The following SULT6B1 variants were observed in gnomAD, a reference collection of about 807,000 sequenced individuals.
SULT6B1 encodes the protein sulfotransferase family 6B member 1.
In SULT6B1, 44 loss-of-function variants were observed where a neutral mutation model predicts 37.2. That is an observed-to-expected ratio of 1.18 (90% CI 0.93 to 1.52). The LOEUF is 1.52. Ranked by LOEUF, SULT6B1 falls within the 40% of genes most tolerant of loss-of-function variation. SULT6B1 has a pLI of 0.00. For missense variants in SULT6B1, 450 were observed against 361.0 expected, an observed-to-expected ratio of 1.25 and a Z score of -2.00; for synonymous variants, 140 against 126.0, an observed-to-expected ratio of 1.11 and a Z score of -0.74.
At chr2:37,170,756 A>C (rs543164988) in intron 6 of SULT6B1, among the ~76,000 whole-genome samples, 1 of 151,482 alleles carries the variant, frequency 6.6e-6, no homozygotes, top group Non-Finnish European at 1.5e-5. Flanking sequence ...AAAAAAAAAA[A>C]AAAACTCACT....
upstream of SULT6B1, among the ~76,000 whole-genome samples, chr2:37,193,648 G>T (rs531207046): frequency 3.1e-4 from 44 of 143,824 alleles, no homozygotes; most frequent in East Asian, 7.6e-3. Context: ...AGAAGAAGAA[G>T]AAGGAGAAGA....
At chr2:37,171,340 C>T in intron 6 of SULT6B1, 94 bp downstream of exon 6, 4 of 1,451,832 alleles carry the variant, frequency 2.8e-6, no homozygotes, top group South Asian at 1.4e-5. Flanking sequence ...AAAATAAAAC[C>T]CTATCTGACT....
At chr2:37,172,262 CT>C (rs1319722461) in intron 5 of SULT6B1, among the ~76,000 whole-genome samples, 14 of 151,910 alleles carry the variant, frequency 9.2e-5, no homozygotes, top group Non-Finnish European at 1.5e-5. Flanking sequence ...GTTGCCCAGG[CT>C]GCTCTCAGAG....
At chr2:37,171,676 T>C (rs1226296998) in intron 5 of SULT6B1, 86 bp from the exon 6 acceptor site, 19 of 1,335,016 alleles carry the variant, frequency 1.4e-5, no homozygotes, top group African/African-American at 2.9e-5. Context: ...ATCAGAGTTA[T>C]TCAGCCTAAC....
intron 1 of SULT6B1, among the ~76,000 whole-genome samples, chr2:37,194,914 TTCCTTCCTTCCTTCCTTCC>T (rs1676873997): frequency 2.8e-5 from 1 of 35,482 alleles, no homozygotes; most frequent in Non-Finnish European, 4.5e-5. Context: ...CCTTCCTTCC[TTCCTTCCTTCCTTCCTTCC>T]TTCCTTCCTT....
At chr2:37,195,893 C>T (rs1572472761) in intron 1 of SULT6B1, 1 of 152,300 alleles carries the variant, frequency 6.6e-6, no homozygotes. Flanking sequence ...GCGATCTCAG[C>T]TCACTGCAAC....
chr2:37,172,068 G>A (rs1286937167), intron 5 of SULT6B1, among the ~76,000 whole-genome samples: 3 of 137,976 alleles, frequency 2.2e-5, no homozygotes, highest in Non-Finnish European at 4.6e-5. Context: ...TTTTTTTTTA[G>A]ACAGGGTCTT....
chr2:37,180,914 G>A (rs1676536130), intron 3 of SULT6B1, among the ~76,000 whole-genome samples: 2 of 152,156 alleles, frequency 1.3e-5, no homozygotes, highest in Middle Eastern at 3.4e-3. Context: ...AACTGACTGG[G>A]TATAAATAGT....
intron 4 of SULT6B1, among the ~76,000 whole-genome samples, chr2:37,175,840 T>C (rs1676412813): frequency 1.3e-5 from 2 of 152,244 alleles, no homozygotes; most frequent in Admixed American, 1.3e-4. Flanking sequence ...TAAATTTTTA[T>C]TGAAAATACT....
chr2:37,191,911 C>A (rs1448372517), upstream of SULT6B1, among the ~76,000 whole-genome samples: 1 of 152,214 alleles, frequency 6.6e-6, no homozygotes, highest in Non-Finnish European at 1.5e-5. Flanking sequence ...GGGTTGCTGG[C>A]ATCCCTGTTT....
At position 37,171,516 on chromosome 2, in the gene SULT6B1, G is replaced by T; in HGVS notation, c.699C>A (p.Ile233=). The T allele has an allele frequency of 6.2e-7, 1 of 1,614,168 alleles. No homozygotes were observed. Among genetic ancestry groups the T allele is most frequent in the Non-Finnish European group, 8.5e-7 (1 of 1,180,022 alleles). The part of the protein sequence containing the change: ...FFLTGEQIQT[I]SVQSTFQAMR... ...TGGCTTGGAAGGTGCTCTGGACTGA[G>T]ATAGTTTGAATTTGCTCCCCAGTTA... is the stretch of plus-strand genomic sequence containing the variant. Residue 233 remains isoleucine, a synonymous_variant, in exon 6 of 7, where the codon ATC becomes ATA. Transcript: ENST00000535679.
chr2:37,187,299 C>A, intron 2 of SULT6B1, 56 bp downstream of exon 2: 1 of 1,201,602 alleles, frequency 8.3e-7, no homozygotes, highest in South Asian at 1.3e-5. Context: ...ATCTCCAAAC[C>A]GGAAGAAATC....
At chr2:37,192,362 G>T (rs150299629), upstream of SULT6B1, among the ~76,000 whole-genome samples, 4 of 152,320 alleles carry the variant, frequency 2.6e-5, no homozygotes, top group East Asian at 3.9e-4. Context: ...AGAGGGGAAA[G>T]AACTGACCAG....
intron 3 of SULT6B1, among the ~76,000 whole-genome samples, chr2:37,180,421 A>G (rs1172312798): frequency 6.6e-6 from 1 of 152,252 alleles, no homozygotes; most frequent in Non-Finnish European, 1.5e-5. Flanking sequence ...GGGGCCACAT[A>G]AAAGAGGAAA....
In SULT6B1 at chr2:37,175,132, C is replaced by A; in HGVS notation, c.624G>T (p.Glu208Asp). ...VKFILYEDLK[E>D]NLAAGIKQIA... Reference sequence around the variant, plus strand: ...TCTAAAATATCAATAATAATCTCACCTCTTTCAGGTCTTCATATAATATGA... The same window carrying A: ...TCTAAAATATCAATAATAATCTCACATCTTTCAGGTCTTCATATAATATGA... The change falls in exon 5 of 7, where the codon GAG becomes GAT. Residue 208 changes from glutamate to aspartate, a missense_variant and splice_region_variant. Coordinates refer to ENST00000535679, the MANE Select transcript of SULT6B1 (RefSeq NM_001367551.1). 3 of 1,529,126 alleles carry A rather than the reference C, an allele frequency of 2.0e-6. No individual in the cohort carries two copies. Among genetic ancestry groups the A allele is most frequent in the South Asian group, 2.6e-5 (2 of 77,676 alleles). The allele number at this position is 1,529,126 out of a possible 1,614,324, so 94.7% of individuals were successfully genotyped here. A position where few individuals can be genotyped will look rare whatever the true frequency, so the allele number is the denominator to read the frequency against.
chr2:37,178,971 T>C (rs1225811071), intron 4 of SULT6B1, among the ~76,000 whole-genome samples: 1 of 152,028 alleles, frequency 6.6e-6, no homozygotes, highest in Non-Finnish European at 1.5e-5. Flanking sequence ...GTTTGTTTGT[T>C]TGTTTTTTTG....
intron 3 of SULT6B1, 88 bp from the exon 4 acceptor site, chr2:37,179,672 T>C: frequency 8.8e-7 from 1 of 1,142,540 alleles, no homozygotes; most frequent in South Asian, 1.4e-5. Context: ...TCATGTCCAC[T>C]CGTATATTAC....
chr2:37,171,967 C>T (rs968509642), intron 5 of SULT6B1, among the ~76,000 whole-genome samples: 20 of 151,958 alleles, frequency 1.3e-4, no homozygotes, highest in African/African-American at 4.8e-4. Context: ...CATTTGAATT[C>T]TCTTTTTTTC....
Position 37,171,484 on chromosome 2 carries a change from G to C in SULT6B1, c.731C>G (p.Ala244Gly). Residue 244 changes from alanine (A) to glycine (G), a missense_variant, in exon 6 of 7, where the codon GCG becomes GGG. Transcript: ENST00000535679. ...AGCACCGTGTGTGTCCTGAGACTTC[G>C]CACGCATGGCTTGGAAGGTGCTCTG... ...SVQSTFQAMR[A>G]KSQDTHGAVG... The C allele has an allele frequency of 1.9e-6, 3 of 1,614,110 alleles. No individual in the cohort carries two copies. Among genetic ancestry groups the C allele is most frequent in the Non-Finnish European group, 2.5e-6 (3 of 1,179,998 alleles).
Sources: allele counts gnomAD v4.1 joint callset (sites outside exome capture counted in the v4.1 genomes callset), GRCh38; gene constraint gnomAD v4.1.1; transcripts MANE v1.5; gene names NCBI Gene and HGNC (gene_info 2026-07-23, HGNC 2026-07-21).